The following FRY variants were observed in gnomAD, a reference collection of about 807,000 sequenced individuals.
The protein encoded by FRY is protein furry homolog.
Under a neutral mutation model 348.4 loss-of-function variants are expected in FRY, and 128 were observed. The observed-to-expected ratio is 0.37, with a 90% confidence interval of 0.32 to 0.43. The LOEUF (loss-of-function observed/expected upper bound fraction) is 0.43. Among genes scored for constraint, FRY ranks in the 20% least tolerant of loss-of-function variants. The pLI, the probability that FRY is intolerant of heterozygous loss-of-function variation, is 1.00. For missense variants in FRY, 2,736 were observed against 3,695.2 expected, an observed-to-expected ratio of 0.74 and a Z score of 6.73; for synonymous variants, 1,370 against 1,374.7, an observed-to-expected ratio of 1.00 and a Z score of 0.08.
At chr13:32,165,008 C>T (rs9533736) in intron 17 of FRY, among the ~76,000 whole-genome samples, 34,714 of 152,158 alleles carry the variant, frequency 0.23, 4,051 homozygotes, top group East Asian at 0.28. Context: ...GATATCTTCA[C>T]ATTCAAAGAA....
chr13:32,062,658 T>A (rs963005820), intron 1 of FRY, among the ~76,000 whole-genome samples: 23 of 152,148 alleles, frequency 1.5e-4, no homozygotes, highest in African/African-American at 5.5e-4. Context: ...GGTATCTAAA[T>A]GAATAAGCCC....
intron 1 of FRY, among the ~76,000 whole-genome samples, chr13:32,066,735 A>G (rs1874281856): frequency 6.6e-6 from 1 of 152,178 alleles, no homozygotes; most frequent in Non-Finnish European, 1.5e-5. Flanking sequence ...ACACAGCAAC[A>G]TGAGATCAGC....
intron 11 of FRY, among the ~76,000 whole-genome samples, chr13:32,141,966 T>A (rs1880100450): frequency 6.6e-6 from 1 of 152,136 alleles, no homozygotes; most frequent in African/African-American, 2.4e-5. Flanking sequence ...TAATTAATTA[T>A]TGGTTAATTA....
chr13:32,171,159 A>T lies in FRY; in HGVS notation c.2040A>T (p.Thr680=), dbSNP rs190949758. ...GGGAAGTAAATGATATGCATCACACACTCCTTGATTCGTCCCTGAAGTTGC... is the reference window on the plus strand; with the variant it reads ...GGGAAGTAAATGATATGCATCACACTCTCCTTGATTCGTCCCTGAAGTTGC... ...LLREVNDMHH[T]LLDSSLKLLL... The change falls in exon 18 of 61, where the codon ACA becomes ACT. Residue 680 remains threonine (T), a synonymous_variant. Coordinates refer to ENST00000542859, the MANE Select transcript of FRY (RefSeq NM_023037.3). 247 of 1,613,320 alleles carry T rather than the reference A, an allele frequency of 1.5e-4. 1 individual carries two copies. In the African/African-American group the frequency reaches 2.8e-3, roughly 19 times the overall value.
intron 11 of FRY, among the ~76,000 whole-genome samples, chr13:32,146,708 T>G (rs1296298963): frequency 1.3e-5 from 2 of 152,162 alleles, no homozygotes. Context: ...TCCTCTTGCT[T>G]CTGTCCCTAC....
chr13:32,059,403 A>G lies in FRY; in HGVS notation c.71-19431A>G, dbSNP rs112009829. 7.3e-3 allele frequency among the ~76,000 whole-genome samples: 1,064 copies of G among 145,580 alleles called. 4 individuals carry two copies. Among genetic ancestry groups the G allele is most frequent in the Non-Finnish European group, 0.011 (754 of 66,968 alleles). On this transcript the variant is annotated intron_variant, in intron 1 of 60. Transcript: ENST00000542859. ...ACAGAATTAAAAGGAGAAATTGTAG[A>G]CTTCTACAATTACATTCACAGATTT... is the stretch of plus-strand genomic sequence containing the variant.
chr13:32,104,535 C>G (rs1012374455), intron 3 of FRY, among the ~76,000 whole-genome samples: 4 of 152,192 alleles, frequency 2.6e-5, no homozygotes, highest in Admixed American at 6.5e-5. Context: ...TAAGAACTTT[C>G]AAATAGGTCA....
intron 1 of FRY, among the ~76,000 whole-genome samples, chr13:32,033,398 C>A (rs557423862): frequency 2.6e-5 from 4 of 152,172 alleles, no homozygotes; most frequent in Admixed American, 6.5e-5. Context: ...AGACTGTTTT[C>A]TTCCATCAAT....
intron 1 of FRY, among the ~76,000 whole-genome samples, chr13:32,073,010 C>T (rs1273931266): frequency 1.3e-5 from 2 of 152,130 alleles, no homozygotes; most frequent in Non-Finnish European, 2.9e-5. Context: ...CATATAATCC[C>T]AGGAGCACTT....
chr13:32,039,112 C>T (rs558537262), intron 1 of FRY, among the ~76,000 whole-genome samples: 1 of 152,288 alleles, frequency 6.6e-6, no homozygotes, highest in East Asian at 1.9e-4. Context: ...ATTCTGTTGA[C>T]TTTAACTTTA....
At chr13:32,039,500 C>A (rs913270096) in intron 1 of FRY, among the ~76,000 whole-genome samples, 1 of 152,054 alleles carries the variant, frequency 6.6e-6, no homozygotes, top group African/African-American at 2.4e-5. Context: ...ACCTCCCCCC[C>A]CATACGTGTG....
intron 31 of FRY, among the ~76,000 whole-genome samples, chr13:32,202,946 CAAA>C (rs11354597): frequency 7.3e-6 from 1 of 136,444 alleles, no homozygotes; most frequent in African/African-American, 2.7e-5. Flanking sequence ...GAGACAGTCT[CAAA>C]AAAAAAAAAA....
intron 58 of FRY, among the ~76,000 whole-genome samples, chr13:32,282,010 G>T (rs1888833093): frequency 6.6e-6 from 1 of 152,142 alleles, no homozygotes. Context: ...CACTCGACAA[G>T]GCCGGAAATG....
rs560724088 is a variant in FRY at position 32,052,158 on chromosome 13, TTC to T, written c.70+20297_70+20298del. Among the ~76,000 whole-genome samples, 4 of 152,354 alleles carry T rather than the reference TTC, an allele frequency of 2.6e-5. No homozygotes were observed. The East Asian group carries it at 7.7e-4, about 29-fold the overall frequency. ...CTGTCTTTGACAAATTACTTCAGTG[TTC>T]TCTTCTATAGAGTGGACATAAAGGT... is the stretch of plus-strand genomic sequence containing the variant. On this transcript the variant is annotated intron_variant, in intron 1 of 60. Transcript: ENST00000542859.
At chr13:32,273,716 G>T (rs754979202) in intron 55 of FRY, among the ~76,000 whole-genome samples, 1 of 152,172 alleles carries the variant, frequency 6.6e-6, no homozygotes, top group South Asian at 2.1e-4. Flanking sequence ...GTCTCAAGGA[G>T]CTCTGATCTT....
At chr13:32,090,341 A>G (rs935946287) in intron 2 of FRY, among the ~76,000 whole-genome samples, 1 of 113,556 alleles carries the variant, frequency 8.8e-6, no homozygotes, top group African/African-American at 3.7e-5. Context: ...ACAGAGCTGG[A>G]CTCCATCTCA....
At chr13:32,063,243 T>C (rs1874050576) in intron 1 of FRY, among the ~76,000 whole-genome samples, 1 of 152,216 alleles carries the variant, frequency 6.6e-6, no homozygotes, top group South Asian at 2.1e-4. Flanking sequence ...TGTCCCTTTA[T>C]GTTGGGTCCC....
intron 1 of FRY, among the ~76,000 whole-genome samples, chr13:32,038,844 G>A (rs1872645218): frequency 6.6e-6 from 1 of 152,160 alleles, no homozygotes; most frequent in Non-Finnish European, 1.5e-5. Context: ...AGCAAGGCAA[G>A]CACTATTTAA....
Position 32,278,495 on chromosome 13 carries a change from G to A in FRY, c.8416G>A (p.Gly2806Arg), listed in dbSNP as rs1214898999. The A allele has an allele frequency of 1.2e-6, 2 of 1,602,512 alleles. No homozygotes were observed. Among genetic ancestry groups the A allele is most frequent in the Non-Finnish European group, 1.7e-6 (2 of 1,169,612 alleles). The change falls in exon 58 of 61, where the codon GGG becomes AGG. Residue 2806 changes from glycine to arginine, a missense_variant. Physicochemically the swap from Gly to Arg is moderately radical, Grantham distance 125. Transcript: ENST00000542859. ...WLANCKATFA[G>R]GSRDGVITCQ... ...TGCAAATTGTAAGGCAACATTTGCA[G>A]GGGGATCAAGAGATGGAGTAATTAC...
Sources: allele counts gnomAD v4.1 joint callset (sites outside exome capture counted in the v4.1 genomes callset), GRCh38; gene constraint gnomAD v4.1.1; transcripts MANE v1.5; gene names NCBI Gene and HGNC (gene_info 2026-07-23, HGNC 2026-07-21).